The following CCBE1 variants were observed in gnomAD, a reference collection of about 807,000 sequenced individuals.
CCBE1 encodes collagen and calcium-binding EGF domain-containing protein 1.
Under a neutral mutation model 50.0 loss-of-function variants are expected in CCBE1, and 37 were observed. That is an observed-to-expected ratio of 0.74 (90% confidence interval 0.57 to 0.97). The LOEUF (loss-of-function observed/expected upper bound fraction) is 0.97. Ranked by LOEUF, CCBE1 falls within the 50% of genes least tolerant of loss-of-function variation. CCBE1 has a pLI of 0.00. For synonymous variants in CCBE1, 234 were observed against 203.7 expected, an observed-to-expected ratio of 1.15 and a Z score of -1.27; for missense variants, 538 against 523.8, an observed-to-expected ratio of 1.03 and a Z score of -0.26.
chr18:59,506,888 C>T (rs1913900372), intron 2 of CCBE1, among the ~76,000 whole-genome samples: 1 of 152,176 alleles, frequency 6.6e-6, no homozygotes. Flanking sequence ...CTATTAGTCT[C>T]CCCAGATATA....
At chr18:59,594,912 G>C (rs1304897164) in intron 2 of CCBE1, among the ~76,000 whole-genome samples, 6 of 152,032 alleles carry the variant, frequency 3.9e-5, no homozygotes, top group Non-Finnish European at 7.4e-5. Flanking sequence ...AAGAGAACAA[G>C]ATCAGCCTGA....
intron 2 of CCBE1, among the ~76,000 whole-genome samples, chr18:59,524,150 G>A (rs927700004): frequency 3.3e-5 from 5 of 152,064 alleles, no homozygotes; most frequent in African/African-American, 7.2e-5. Context: ...ATGAAACTGC[G>A]TTTCCACTAA....
At position 59,435,295 on chromosome 18, in the gene CCBE1, AAAC is replaced by A. The variant is rs1910101480; in HGVS notation, c.*610_*612del. On this transcript the variant is annotated 3_prime_UTR_variant, in exon 11 of 11. Coordinates refer to ENST00000439986, the MANE Select transcript of CCBE1 (RefSeq NM_133459.4). ...ACTGTGATTCTTTTCTATCTTCTCTAAACGCCATTCAATTCTCTCCTCTCTTTA... is the reference window on the plus strand; with the variant it reads ...ACTGTGATTCTTTTCTATCTTCTCTAGCCATTCAATTCTCTCCTCTCTTTA... 1 of 156,504 alleles carries A rather than the reference AAAC, an allele frequency of 6.4e-6. No homozygotes were observed. Among genetic ancestry groups the A allele is most frequent in the Non-Finnish European group, 1.4e-5 (1 of 70,674 alleles). 9.7% of individuals were successfully genotyped at this position (156,504 alleles called of 1,614,324 possible). A position where few individuals can be genotyped will look rare whatever the true frequency, so the allele number is the denominator to read the frequency against.
intron 2 of CCBE1, among the ~76,000 whole-genome samples, chr18:59,533,583 C>T (rs756106952): frequency 3.3e-5 from 5 of 152,088 alleles, no homozygotes; most frequent in Non-Finnish European, 7.4e-5. Context: ...ATATATAAAG[C>T]ATTTTATTGT....
At chr18:59,504,844 C>T (rs1332942074) in intron 2 of CCBE1, among the ~76,000 whole-genome samples, 1 of 152,170 alleles carries the variant, frequency 6.6e-6, no homozygotes, top group East Asian at 1.9e-4. Context: ...CAGCGACCTC[C>T]TCTCCCCCTG....
At chr18:59,666,773 T>C (rs1211960811) in intron 2 of CCBE1, among the ~76,000 whole-genome samples, 1 of 152,160 alleles carries the variant, frequency 6.6e-6, no homozygotes, top group African/African-American at 2.4e-5. Context: ...AAGACCATCC[T>C]GGCTAACATG....
At position 59,678,729 on chromosome 18, in the gene CCBE1, C is replaced by T. The variant is rs541426877; in HGVS notation, c.212+17900G>A. 1.6e-4 allele frequency among the ~76,000 whole-genome samples: 24 copies of T among 152,258 alleles called. No homozygotes were observed. In the East Asian group the frequency reaches 4.6e-3, roughly 29 times the overall value. On this transcript the variant is annotated intron_variant, in intron 2 of 10. Transcript: ENST00000439986. Reference sequence around the variant, plus strand: ...TGAACTTTTAATAGAGACGGGGTTTCGCCATGTTGGCCAGGCTGGTCTCAA... The same window carrying T: ...TGAACTTTTAATAGAGACGGGGTTTTGCCATGTTGGCCAGGCTGGTCTCAA...
chr18:59,538,917 C>T (rs1915355427), intron 2 of CCBE1, among the ~76,000 whole-genome samples: 1 of 152,214 alleles, frequency 6.6e-6, no homozygotes, highest in South Asian at 2.1e-4. Context: ...GTGGCTCCCA[C>T]CTGTAATCCC....
intron 2 of CCBE1, among the ~76,000 whole-genome samples, chr18:59,551,530 A>G (rs1915930218): frequency 6.6e-6 from 1 of 152,240 alleles, no homozygotes; most frequent in Admixed American, 6.5e-5. Flanking sequence ...CTAGCTTGAT[A>G]GGAATTTTTT....
chr18:59,502,620 C>T (rs923551672), intron 2 of CCBE1, among the ~76,000 whole-genome samples: 1 of 152,102 alleles, frequency 6.6e-6, no homozygotes, highest in Non-Finnish European at 1.5e-5. Flanking sequence ...AAACTTGAGC[C>T]CAACTCTGAG....
intron 2 of CCBE1, among the ~76,000 whole-genome samples, chr18:59,597,304 A>C (rs1299010082): frequency 6.6e-6 from 1 of 152,270 alleles, no homozygotes; most frequent in Non-Finnish European, 1.5e-5. Flanking sequence ...GGCATGCAAT[A>C]CATGCTCCAC....
chr18:59,662,954 A>G (rs2054304988), intron 2 of CCBE1, among the ~76,000 whole-genome samples: 1 of 152,256 alleles, frequency 6.6e-6, no homozygotes, highest in South Asian at 2.1e-4. Context: ...ATAAGGTTCT[A>G]TCACAAAGGC....
In CCBE1 at chr18:59,697,365, C is replaced by G. The variant is rs1168831919; in HGVS notation, c.-23G>C. On this transcript the variant is annotated 5_prime_UTR_variant, in exon 1 of 11. Transcript: ENST00000439986. Reference sequence around the variant, plus strand: ...CATCAGGGAAGCTCCCGGCTTCTTCCCAGCGCCGAGCTCCGTCCGGACCAA... The same window carrying G: ...CATCAGGGAAGCTCCCGGCTTCTTCGCAGCGCCGAGCTCCGTCCGGACCAA... 4 of 1,543,004 alleles carry G rather than the reference C, an allele frequency of 2.6e-6. No individual in the cohort carries two copies. Among genetic ancestry groups the G allele is most frequent in the Non-Finnish European group, 3.5e-6 (4 of 1,146,104 alleles).
At chr18:59,486,979 C>G (rs1266440374) in intron 2 of CCBE1, among the ~76,000 whole-genome samples, 1 of 151,336 alleles carries the variant, frequency 6.6e-6, no homozygotes, top group Non-Finnish European at 1.5e-5. Flanking sequence ...TCTGGGCTAC[C>G]AAGCCAGAGA....
At chr18:59,673,284 C>G (rs952598011) in intron 2 of CCBE1, among the ~76,000 whole-genome samples, 2 of 152,158 alleles carry the variant, frequency 1.3e-5, no homozygotes, top group African/African-American at 4.8e-5. Context: ...AACCCTGTCT[C>G]TACTAAAAAT....
intron 2 of CCBE1, among the ~76,000 whole-genome samples, chr18:59,489,546 T>TG (rs1380255322): frequency 2.0e-5 from 3 of 152,176 alleles, no homozygotes; most frequent in African/African-American, 7.2e-5. Context: ...CCCAAGTAGC[T>TG]GGGATTACTG....
At chr18:59,452,420 G>T (rs940053772) in intron 6 of CCBE1, among the ~76,000 whole-genome samples, 3 of 151,790 alleles carry the variant, frequency 2.0e-5, no homozygotes, top group Non-Finnish European at 1.5e-5. Context: ...GAGAAACCCT[G>T]TCTCCACTAA....
chr18:59,595,136 C>G (rs1249186842), intron 2 of CCBE1, among the ~76,000 whole-genome samples: 1 of 140,830 alleles, frequency 7.1e-6, no homozygotes, highest in East Asian at 2.0e-4. Flanking sequence ...AAAAAAAATC[C>G]ATTCTCTAAG....
At chr18:59,521,798 A>T (rs534799139) in intron 2 of CCBE1, among the ~76,000 whole-genome samples, 58 of 152,382 alleles carry the variant, frequency 3.8e-4, no homozygotes, top group Non-Finnish European at 4.9e-4. Flanking sequence ...TGAAAGAGAA[A>T]TTCATTGAAC....
Sources: gnomAD v4.1 joint callset for allele counts (sites outside exome capture counted in the v4.1 genomes callset) on GRCh38, gnomAD v4.1.1 for gene constraint, MANE v1.5 for transcripts, NCBI Gene and HGNC (gene_info 2026-07-23, HGNC 2026-07-21) for gene names.